PANK2: variants seen among roughly 807,000 people sequenced by gnomAD.
PANK2 encodes the protein pantothenate kinase 2, mitochondrial.
Under a neutral mutation model 43.1 loss-of-function variants are expected in PANK2, and 36 were observed. The ratio of observed to expected loss-of-function variants is 0.84; its 90% CI spans 0.64 to 1.10. The LOEUF is 1.10. Ranked by LOEUF, PANK2 falls within the 50% of genes least tolerant of loss-of-function variation. The probability of loss-of-function intolerance (pLI) is 0.00; values close to 1 mark genes in which losing one functional copy is unlikely to be tolerated. For missense variants in PANK2, 576 were observed against 593.3 expected, an observed-to-expected ratio of 0.97 and a Z score of 0.30; for synonymous variants, 281 against 238.2, an observed-to-expected ratio of 1.18 and a Z score of -1.66.
At chr20:3,893,449 A>G (rs2090155624) in intron 1 of PANK2, among the ~76,000 whole-genome samples, 1 of 152,208 alleles carries the variant, frequency 6.6e-6, no homozygotes, top group Non-Finnish European at 1.5e-5. Context: ...GCAAATGTAG[A>G]CACTCATGTA....
intron 5 of PANK2, 51 bp from the exon 6 acceptor site, chr20:3,918,620 A>G: frequency 6.2e-7 from 1 of 1,612,572 alleles, no homozygotes; most frequent in Non-Finnish European, 8.5e-7. Flanking sequence ...AGCTTTTATG[A>G]GAAAATAGAA....
chr20:3,907,242 C>T (rs539472941), intron 1 of PANK2, among the ~76,000 whole-genome samples: 1 of 151,530 alleles, frequency 6.6e-6, no homozygotes, highest in South Asian at 2.1e-4. Flanking sequence ...GCTGGTACTA[C>T]AGGTGCACGT....
chr20:3,908,283 G>C lies in PANK2; in HGVS notation c.651+5G>C. Reference sequence around the variant, plus strand: ...TTTGAGCAGGATTTTCTCACAGTATGCATTTTTTAGCTTATATACAATTTA... The same window carrying C: ...TTTGAGCAGGATTTTCTCACAGTATCCATTTTTTAGCTTATATACAATTTA... On this transcript the variant is annotated splice_donor_5th_base_variant and intron_variant, in intron 2 of 6. Coordinates refer to ENST00000610179, the MANE Select transcript of PANK2 (RefSeq NM_001386393.1). The C allele has an allele frequency of 6.3e-7, 1 of 1,581,602 alleles. No individual in the cohort carries two copies. The highest frequency in any genetic ancestry group is 8.6e-7 in the Non-Finnish European group (1 of 1,160,162).
rs754419592 is a variant in PANK2, at chr20:3,889,457, A to T, written c.27A>T (p.Arg9=). The stretch of plus-strand genomic sequence containing the variant: ...TGGGGGGCTTGCTCGGGCGGCAGCG[A>T]CTGCTGCTGCGGATGGGAGGGGGCC... Residue 9 remains arginine, a synonymous_variant, in exon 1 of 7, where the codon CGA becomes CGT. Coordinates refer to ENST00000610179, the MANE Select transcript of PANK2 (RefSeq NM_001386393.1). 4 of 1,546,652 alleles carry T rather than the reference A, an allele frequency of 2.6e-6. No individual in the cohort carries two copies. In the Admixed American group the frequency reaches 7.7e-5, roughly 30 times the overall value.
chr20:3,897,919 C>T (rs538600591), intron 1 of PANK2, among the ~76,000 whole-genome samples: 2 of 152,090 alleles, frequency 1.3e-5, no homozygotes, highest in South Asian at 2.1e-4. Context: ...GCAGGAGAAT[C>T]GCTTGAACAA....
chr20:3,910,908 C>G (rs1327837645), intron 3 of PANK2, 78 bp downstream of exon 3: 4 of 1,509,676 alleles, frequency 2.6e-6, no homozygotes, highest in Non-Finnish European at 2.8e-6. Context: ...TGTAACTACA[C>G]CTTCAAGAAC....
intron 1 of PANK2, among the ~76,000 whole-genome samples, chr20:3,897,665 A>T (rs1371857247): frequency 6.6e-6 from 1 of 151,776 alleles, no homozygotes; most frequent in Non-Finnish European, 1.5e-5. Flanking sequence ...GTACCACTGT[A>T]CTCTAGCCTG....
chr20:3,888,924 C>T (rs1008659525), upstream of PANK2: 2 of 583,316 alleles, frequency 3.4e-6, no homozygotes, highest in Non-Finnish European at 6.0e-6. Flanking sequence ...GGTTCAAGCC[C>T]TTTCGTCTGC....
chr20:3,911,317 G>T (rs1190699696), intron 3 of PANK2, among the ~76,000 whole-genome samples: 2 of 152,348 alleles, frequency 1.3e-5, no homozygotes, highest in East Asian at 3.9e-4. Flanking sequence ...GGGCGTGGTG[G>T]CTCATGCCTG....
chr20:3,915,594 C>T (rs1276140140), intron 4 of PANK2, among the ~76,000 whole-genome samples: 1 of 152,202 alleles, frequency 6.6e-6, no homozygotes, highest in Non-Finnish European at 1.5e-5. Context: ...CCACGCCCGC[C>T]AGTTTTAGCT....
rs1394589701 is a variant in PANK2 at position 3,912,578 on chromosome 20, T to C, written c.1026T>C (p.Asp342=). 2.5e-6 allele frequency: 4 copies of C among 1,613,966 alleles called. No individual in the cohort carries two copies. The highest frequency in any genetic ancestry group is 4.5e-5 in the East Asian group (2 of 44,896). ...CCAAAGTGGATAAACTAGTACGAGA[T>C]ATTTATGGAGGGGACTATGAGAGGT... is the stretch of plus-strand genomic sequence containing the variant. The change falls in exon 4 of 7, where the codon GAT becomes GAC. Residue 342 remains aspartate (D), a synonymous_variant. Coordinates refer to ENST00000610179, the MANE Select transcript of PANK2 (RefSeq NM_001386393.1).
At position 3,928,178 on chromosome 20, in the gene PANK2, T is replaced by C. The variant is rs2090754753; in HGVS notation, c.*4884T>C. The C allele has an allele frequency of 6.6e-6, 1 of 152,200 alleles. No individual in the cohort carries two copies. The allele number at this position is 152,200 out of a possible 1,614,324, so 9.4% of individuals were successfully genotyped here. On this transcript the variant is annotated 3_prime_UTR_variant, in exon 7 of 7. Coordinates refer to ENST00000610179, the MANE Select transcript of PANK2 (RefSeq NM_001386393.1). The stretch of plus-strand genomic sequence containing the variant: ...ATCTGCTTAAGAAATCTGTAACAGC[T>C]ACAGGAAAAGACACACCCAGGGCCA...
rs544239478 is a variant in PANK2, at chr20:3,889,403, C to T, written c.-28C>T. On this transcript the variant is annotated 5_prime_UTR_variant, in exon 1 of 7. Coordinates refer to ENST00000610179, the MANE Select transcript of PANK2 (RefSeq NM_001386393.1). ...CGCGCCTCTGCTCTGGCTGGACTGC[C>T]GCGGAGGAGGCGAGAAGGAATCCGA... 9.5e-5 allele frequency: 149 copies of T among 1,572,562 alleles called. 1 individual carries two copies. In the South Asian group the frequency reaches 1.5e-3, roughly 15 times the overall value.
rs2146923165 is a variant in PANK2 at position 3,929,189 on chromosome 20, T to G, written c.*5895T>G. 1 of 151,874 alleles carries G rather than the reference T, an allele frequency of 6.6e-6. No homozygotes were observed. The highest frequency in any genetic ancestry group is 1.5e-5 in the Non-Finnish European group (1 of 67,954). 9.4% of individuals were successfully genotyped at this position (151,874 alleles called of 1,614,324 possible). A position where few individuals can be genotyped will look rare whatever the true frequency, so the allele number is the denominator to read the frequency against. On this transcript the variant is annotated 3_prime_UTR_variant, in exon 7 of 7. Transcript: ENST00000610179. ...TTCTTTTCAAAGTGTGTGCACAGAG[T>G]GAGGAGGCCAGCCTGGGCAACATAG...
upstream of PANK2, chr20:3,888,867 C>G: frequency 2.1e-6 from 1 of 485,496 alleles, no homozygotes; most frequent in Non-Finnish European, 3.7e-6. Context: ...GCGGCCTCGA[C>G]GGCAGCTGCG....
At chr20:3,906,224 A>G (rs2090384787) in intron 1 of PANK2, among the ~76,000 whole-genome samples, 1 of 151,616 alleles carries the variant, frequency 6.6e-6, no homozygotes, top group African/African-American at 2.4e-5. Context: ...CAGGAGTTCA[A>G]GACCAGCCTG....
chr20:3,905,560 G>A (rs1277158849), intron 1 of PANK2, among the ~76,000 whole-genome samples: 1 of 150,656 alleles, frequency 6.6e-6, no homozygotes, highest in African/African-American at 2.4e-5. Context: ...TGTTAGCCAG[G>A]ATGGTCTCGA....
chr20:3,910,489 T>G (rs1424333855), intron 2 of PANK2, 88 bp from the exon 3 acceptor site: 1 of 1,442,484 alleles, frequency 6.9e-7, no homozygotes, highest in East Asian at 2.3e-5. Flanking sequence ...TTCATGGTTG[T>G]TTCACGTAGT....
chr20:3,903,424 A>G (rs138535999), intron 1 of PANK2, among the ~76,000 whole-genome samples: 2,675 of 147,954 alleles, frequency 0.018, 54 homozygotes, highest in South Asian at 0.071. Context: ...CTGGAATTAC[A>G]GGCATGAGCC....
Sources: gnomAD v4.1 joint callset for allele counts (sites outside exome capture counted in the v4.1 genomes callset) on GRCh38, gnomAD v4.1.1 for gene constraint, MANE v1.5 for transcripts, NCBI Gene and HGNC (gene_info 2026-07-23, HGNC 2026-07-21) for gene names.